CACNA1A: variants seen among roughly 807,000 people sequenced by gnomAD.
CACNA1A encodes the protein voltage-dependent P/Q-type calcium channel subunit alpha-1A.
CACNA1A carries 57 observed loss-of-function variants against 262.4 expected under a neutral mutation model. The ratio of observed to expected loss-of-function variants is 0.22; its 90% CI spans 0.18 to 0.27. CACNA1A has a LOEUF of 0.27. Ranked by LOEUF, CACNA1A falls within the 10% of genes least tolerant of loss-of-function variation. The pLI is 1.00. For synonymous variants in CACNA1A, 1,431 were observed against 1,419.3 expected, an observed-to-expected ratio of 1.01 and a Z score of -0.18; for missense variants, 2,526 against 3,562.8, an observed-to-expected ratio of 0.71 and a Z score of 7.41.
chr19:13,209,154 T>TAGTA, intron 45 of CACNA1A, 145 bp from the exon 46 acceptor site: 2 of 1,336,522 alleles, frequency 1.5e-6, no homozygotes, highest in Admixed American at 4.4e-5. Flanking sequence ...GGGGAGGGGG[T>TAGTA]AGTACCCAGG....
chr19:13,382,626 G>A (rs2059543255), intron 3 of CACNA1A, among the ~76,000 whole-genome samples: 3 of 152,182 alleles, frequency 2.0e-5, no homozygotes, highest in South Asian at 4.1e-4. Context: ...TTTGGAGCAG[G>A]AAGGGATGTG....
intron 20 of CACNA1A, among the ~76,000 whole-genome samples, chr19:13,285,798 C>G (rs1367548554): frequency 4.6e-5 from 7 of 152,060 alleles, no homozygotes; most frequent in African/African-American, 1.7e-4. Flanking sequence ...CTCTGAGCCT[C>G]AGTCCCTACA....
At chr19:13,288,440 A>G (rs979155585) in intron 19 of CACNA1A, among the ~76,000 whole-genome samples, 1 of 151,854 alleles carries the variant, frequency 6.6e-6, no homozygotes, top group Non-Finnish European at 1.5e-5. Context: ...GGGCTTCGCC[A>G]TGTTGCCCAG....
At chr19:13,262,973 C>A in intron 24 of CACNA1A, 140 bp from the exon 25 acceptor site, 1 of 674,106 alleles carries the variant, frequency 1.5e-6, no homozygotes. Flanking sequence ...CCCTGCCCTT[C>A]CTGGTGAAGA....
At chr19:13,364,547 A>G (rs2059172858) in intron 5 of CACNA1A, 1 of 152,246 alleles carries the variant, frequency 6.6e-6, no homozygotes, top group Non-Finnish European at 1.5e-5. Context: ...AGTCCTCACC[A>G]ATGTCAAAAA....
intron 3 of CACNA1A, among the ~76,000 whole-genome samples, chr19:13,423,168 A>G (rs2060345677): frequency 6.6e-6 from 1 of 152,146 alleles, no homozygotes; most frequent in Admixed American, 6.6e-5. Context: ...CAGATGTCCT[A>G]CCTGCTTGCT....
intron 19 of CACNA1A, among the ~76,000 whole-genome samples, chr19:13,290,963 G>A (rs2057523209): frequency 6.6e-6 from 1 of 152,132 alleles, no homozygotes; most frequent in African/African-American, 2.4e-5. Context: ...TTGCTTCCTT[G>A]TAGAGCGTCT....
intron 3 of CACNA1A, chr19:13,450,237 C>T (rs2060891546): frequency 6.6e-6 from 1 of 151,984 alleles, no homozygotes; most frequent in South Asian, 2.1e-4. Flanking sequence ...TTCTGGTCAC[C>T]TTCTCTAGCC....
intron 6 of CACNA1A, among the ~76,000 whole-genome samples, chr19:13,343,058 T>C (rs551873742): frequency 7.9e-5 from 12 of 152,150 alleles, no homozygotes; most frequent in East Asian, 1.9e-4. Flanking sequence ...CCCAGCCAGA[T>C]TGATACAGTT....
At position 13,207,784 on chromosome 19, in the gene CACNA1A, G is replaced by T; in HGVS notation, c.7050C>A (p.Ala2350=). ...RYPGPTAEPL[A]GDRPPTGGHS... Reference sequence around the variant, plus strand: ...GGCCCCCCGTGGGCGGCCGATCTCCGGCCAGAGGCTCGGCCGTGGGGCCTG... The same window carrying T: ...GGCCCCCCGTGGGCGGCCGATCTCCTGCCAGAGGCTCGGCCGTGGGGCCTG... The change falls in exon 47 of 47, where the codon GCC becomes GCA. Residue 2350 remains alanine, a synonymous_variant. Transcript: ENST00000360228. The surrounding 1 kb of genome is among the most constrained non-coding windows in gnomAD (Gnocchi z 5.7). 1 of 1,393,514 alleles carries T rather than the reference G, an allele frequency of 7.2e-7. No individual in the cohort carries two copies. The allele number at this position is 1,393,514 out of a possible 1,614,324, so 86.3% of individuals were successfully genotyped here.
At chr19:13,494,179 A>C (rs772391229) in intron 1 of CACNA1A, among the ~76,000 whole-genome samples, 3 of 152,264 alleles carry the variant, frequency 2.0e-5, no homozygotes, top group African/African-American at 4.8e-5. Flanking sequence ...AGTGGCATGG[A>C]AATGTGTTCC....
chr19:13,332,043 CCT>C (rs2058477474), intron 9 of CACNA1A, among the ~76,000 whole-genome samples: 2 of 152,202 alleles, frequency 1.3e-5, no homozygotes, highest in Non-Finnish European at 2.9e-5. Flanking sequence ...CAGTCTGTCC[CCT>C]GACTCCCAGC....
chr19:13,262,437 C>A, intron 25 of CACNA1A: 1 of 266,480 alleles, frequency 3.8e-6, no homozygotes, highest in Non-Finnish European at 7.1e-6. Context: ...CTTCCCAGAT[C>A]ACGGTTATAC....
intron 1 of CACNA1A, among the ~76,000 whole-genome samples, chr19:13,482,505 C>T (rs1599352388): frequency 6.6e-6 from 1 of 151,862 alleles, no homozygotes; most frequent in East Asian, 1.9e-4. Flanking sequence ...AGAATAGCAG[C>T]AAGGCAAACC....
At chr19:13,220,751 A>G (rs1478511093) in intron 38 of CACNA1A, among the ~76,000 whole-genome samples, 1 of 152,018 alleles carries the variant, frequency 6.6e-6, no homozygotes, top group Non-Finnish European at 1.5e-5. Context: ...CCAGCCTCCC[A>G]AGTAGTTGGG....
Position 13,506,090 on chromosome 19 carries a change from T to C in CACNA1A, c.135A>G (p.Gln45=), listed in dbSNP as rs764813421. ...GCGCCATTGACTGCTTGTACATCCTTTGCGCCCCGGGCTGCCCGCCCTGCC... is the reference window on the plus strand; with the variant it reads ...GCGCCATTGACTGCTTGTACATCCTCTGCGCCCCGGGCTGCCCGCCCTGCC... ...GSRQGGQPGA[Q]RMYKQSMAQR... Residue 45 remains glutamine, a synonymous_variant, in exon 1 of 47, where the codon CAA becomes CAG. Coordinates refer to ENST00000360228, the MANE Select transcript of CACNA1A (RefSeq NM_001127222.2). 8 of 1,613,220 alleles carry C rather than the reference T, an allele frequency of 5.0e-6. No individual in the cohort carries two copies. The South Asian group carries it at 8.8e-5, about 18-fold the overall frequency.
intron 1 of CACNA1A, among the ~76,000 whole-genome samples, chr19:13,500,003 C>T (rs1982183396): frequency 6.6e-6 from 1 of 152,064 alleles, no homozygotes; most frequent in Non-Finnish European, 1.5e-5. Flanking sequence ...CAACAGATGC[C>T]TCCCACTCCA....
At chr19:13,379,504 A>C (rs1398905935) in intron 3 of CACNA1A, among the ~76,000 whole-genome samples, 1 of 152,154 alleles carries the variant, frequency 6.6e-6, no homozygotes, top group East Asian at 1.9e-4. Context: ...CTTAGGAGAA[A>C]GTTACCACAG....
At chr19:13,211,883 A>G (rs989460062) in intron 43 of CACNA1A, 10 of 533,258 alleles carry the variant, frequency 1.9e-5, no homozygotes, top group East Asian at 3.2e-5. Context: ...CAGGGGGAGC[A>G]CTTTCCTCTC....
Sources: allele counts gnomAD v4.1 joint callset (sites outside exome capture counted in the v4.1 genomes callset), GRCh38; gene constraint gnomAD v4.1.1; non-coding constraint Gnocchi (gnomAD v3.1); transcripts MANE v1.5; gene names NCBI Gene and HGNC (gene_info 2026-07-23, HGNC 2026-07-21).